The following MAP4K3 variants were observed in gnomAD, a reference collection of about 807,000 sequenced individuals.
MAP4K3 encodes MAPK/ERK kinase kinase kinase 3.
MAP4K3 carries 94 observed loss-of-function variants against 143.5 expected under a neutral mutation model. That is an observed-to-expected ratio of 0.65 (90% CI 0.55 to 0.78). The LOEUF (loss-of-function observed/expected upper bound fraction) is 0.78, where lower values mean the gene tolerates loss of function less well. MAP4K3 is among the 30% of genes least tolerant of loss of function. MAP4K3 has a pLI of 0.00. For missense variants in MAP4K3, 1,077 were observed against 1,068.1 expected (o/e 1.01, Z -0.12); for synonymous variants, 416 against 347.2 (o/e 1.20, Z -2.20).
At chr2:39,433,665 T>C (rs1665362954) in intron 1 of MAP4K3, among the ~76,000 whole-genome samples, 2 of 151,568 alleles carry the variant, frequency 1.3e-5, no homozygotes, top group Admixed American at 6.6e-5. Flanking sequence ...TTAAGCCTAT[T>C]AATTTCAGAG....
At chr2:39,393,515 CATTTTTTAAAATTTTA>C (rs777277488) in intron 1 of MAP4K3, among the ~76,000 whole-genome samples, 17 of 152,152 alleles carry the variant, frequency 1.1e-4, no homozygotes, top group Non-Finnish European at 2.2e-4. Context: ...TAGCAAACTT[CATTTTTTAAAATTTTA>C]ATTTTTTAAA....
chr2:39,286,343 C>T (rs1019122799), intron 21 of MAP4K3, among the ~76,000 whole-genome samples: 1 of 152,206 alleles, frequency 6.6e-6, no homozygotes, highest in Non-Finnish European at 1.5e-5. Flanking sequence ...TCACCTCCTG[C>T]TGTGTGGCCT....
At position 39,293,262 on chromosome 2, in the gene MAP4K3, A is replaced by G. The variant is rs1682128744; in HGVS notation, c.1185T>C (p.Leu395=). ...GCAATTCTTCTTCAACAGACTTGAG[A>G]AGACTCCTTAAAAGAAAAAACAAAA... ...GGYFLGANKS[L]LKSVEEELHQ... Residue 395 remains leucine (L), a synonymous_variant, in exon 17 of 34, where the codon CTT becomes CTC. Coordinates refer to ENST00000263881, the MANE Select transcript of MAP4K3 (RefSeq NM_003618.4). 6.5e-7 allele frequency: 1 copy of G among 1,540,492 alleles called. No individual in the cohort carries two copies.
chr2:39,324,140 T>C (rs1308524629), intron 12 of MAP4K3, among the ~76,000 whole-genome samples: 2 of 152,186 alleles, frequency 1.3e-5, no homozygotes, highest in African/African-American at 2.4e-5. Context: ...CCAGGTGCGG[T>C]GGCTCATGCC....
chr2:39,316,294 GA>G (rs532072381), intron 12 of MAP4K3, among the ~76,000 whole-genome samples: 316 of 151,998 alleles, frequency 2.1e-3, no homozygotes, highest in South Asian at 3.9e-3. Context: ...TCCAACATAA[GA>G]AAAAGAAAAA....
chr2:39,317,026 C>T (rs892431769), intron 12 of MAP4K3, among the ~76,000 whole-genome samples: 4 of 152,086 alleles, frequency 2.6e-5, no homozygotes, highest in African/African-American at 9.7e-5. Flanking sequence ...TACAAGGCTA[C>T]AGAACCAAGA....
At chr2:39,327,783 T>C (rs1158613923) in intron 8 of MAP4K3, among the ~76,000 whole-genome samples, 2 of 151,638 alleles carry the variant, frequency 1.3e-5, no homozygotes, top group East Asian at 3.8e-4. Flanking sequence ...AAGTAGCTGG[T>C]AGAAATGCCC....
At position 39,250,490 on chromosome 2, in the gene MAP4K3, A is replaced by G. The variant is rs553148746; in HGVS notation, c.*128T>C. On this transcript the variant is annotated 3_prime_UTR_variant, in exon 34 of 34. Coordinates refer to ENST00000263881, the MANE Select transcript of MAP4K3 (RefSeq NM_003618.4). ...AACAAAATTTTCCCCATCTTATCTC[A>G]TGCCACAATAAATTACAAAGTAACT... 291 of 872,468 alleles carry G rather than the reference A, an allele frequency of 3.3e-4. 3 individuals carry two copies. Among genetic ancestry groups the G allele is most frequent in the Admixed American group, 2.4e-3 (85 of 35,274 alleles). 54.0% of individuals were successfully genotyped at this position (872,468 alleles called of 1,614,324 possible).
chr2:39,319,065 G>C (rs940988937), intron 12 of MAP4K3, among the ~76,000 whole-genome samples: 2 of 152,092 alleles, frequency 1.3e-5, no homozygotes, highest in African/African-American at 4.8e-5. Context: ...AAACATTCTA[G>C]AATGCACAGG....
intron 7 of MAP4K3, among the ~76,000 whole-genome samples, chr2:39,333,282 G>C (rs1334572395): frequency 6.6e-6 from 1 of 151,960 alleles, no homozygotes; most frequent in Non-Finnish European, 1.5e-5. Flanking sequence ...GGGTTTAGAG[G>C]TGAAAGAATT....
At chr2:39,305,072 T>C (rs987657397) in intron 15 of MAP4K3, among the ~76,000 whole-genome samples, 1 of 152,038 alleles carries the variant, frequency 6.6e-6, no homozygotes, top group Non-Finnish European at 1.5e-5. Context: ...GAATGGGGAG[T>C]TATTGTTTAA....
chr2:39,358,126 G>T (rs1665662799), intron 2 of MAP4K3, among the ~76,000 whole-genome samples: 3 of 152,190 alleles, frequency 2.0e-5, no homozygotes, highest in African/African-American at 7.2e-5. Context: ...ACCTGTACAT[G>T]ACCAATAAAC....
At position 39,282,606 on chromosome 2, in the gene MAP4K3, A is replaced by C. The variant is rs780653091; in HGVS notation, c.1588-52T>G. ...CACTTTTTTTGCTGCTGTTTGATAT[A>C]ATAATACTGTATTTCAAACACATTT... is the stretch of plus-strand genomic sequence containing the variant. On this transcript the variant is annotated intron_variant, in intron 21 of 33. Transcript: ENST00000263881. 6 of 1,175,470 alleles carry C rather than the reference A, an allele frequency of 5.1e-6. No homozygotes were observed. In the East Asian group the frequency reaches 1.4e-4, roughly 28 times the overall value. The allele number at this position is 1,175,470 out of a possible 1,614,324, so 72.8% of individuals were successfully genotyped here. A position where few individuals can be genotyped will look rare whatever the true frequency, so the allele number is the denominator to read the frequency against.
intron 1 of MAP4K3, among the ~76,000 whole-genome samples, chr2:39,390,427 C>T (rs935455419): frequency 6.6e-6 from 1 of 152,198 alleles, no homozygotes; most frequent in Non-Finnish European, 1.5e-5. Flanking sequence ...ACCACGCAGA[C>T]TCTGAATCAG....
At chr2:39,276,941 G>A (rs548463706) in intron 24 of MAP4K3, among the ~76,000 whole-genome samples, 46 of 152,344 alleles carry the variant, frequency 3.0e-4, no homozygotes, top group African/African-American at 1.1e-3. Context: ...GCTGCACAAC[G>A]CTGTGAACGT....
intron 6 of MAP4K3, among the ~76,000 whole-genome samples, chr2:39,335,254 G>T (rs940991059): frequency 5.9e-5 from 9 of 152,116 alleles, no homozygotes; most frequent in South Asian, 2.1e-4. Context: ...GATAAGATAT[G>T]GTTGAAAAGG....
chr2:39,369,206 T>TTTTTTGTTTTTTG (rs1176683670), intron 2 of MAP4K3, among the ~76,000 whole-genome samples: 4 of 9,068 alleles, frequency 4.4e-4, no homozygotes, highest in South Asian at 6.3e-3. Flanking sequence ...TTTTTTTTTG[T>TTTTTTGTTTTTTG]TTTTTTTGAG....
At chr2:39,405,552 C>A (rs1667071239) in intron 1 of MAP4K3, among the ~76,000 whole-genome samples, 1 of 152,104 alleles carries the variant, frequency 6.6e-6, no homozygotes, top group Admixed American at 6.5e-5. Context: ...TCCAAGGAAA[C>A]ATGACCTCAT....
intron 3 of MAP4K3, among the ~76,000 whole-genome samples, chr2:39,349,293 G>A (rs1265340004): frequency 1.3e-5 from 2 of 152,036 alleles, no homozygotes; most frequent in Non-Finnish European, 2.9e-5. Flanking sequence ...TACTAATAAG[G>A]AAAAATAATT....
Sources: allele counts gnomAD v4.1 joint callset (sites outside exome capture counted in the v4.1 genomes callset), GRCh38; gene constraint gnomAD v4.1.1; transcripts MANE v1.5; gene names NCBI Gene and HGNC (gene_info 2026-07-23, HGNC 2026-07-21).